Variants in SLC5A4 observed in about 807,000 individuals in gnomAD.
The protein encoded by SLC5A4 is probable glucose sensor protein SLC5A4.
Under a neutral mutation model 70.3 loss-of-function variants are expected in SLC5A4, and 55 were observed. That is an observed-to-expected ratio of 0.78 (90% CI 0.63 to 0.98). The LOEUF is 0.98. Ranked by LOEUF, SLC5A4 falls within the 50% of genes least tolerant of loss-of-function variation. The pLI is 0.00. For synonymous variants in SLC5A4, 268 were observed against 305.7 expected, an observed-to-expected ratio of 0.88 and a Z score of 1.29; for missense variants, 735 against 839.2, an observed-to-expected ratio of 0.88 and a Z score of 1.53.
At position 32,220,980 on chromosome 22, in the gene SLC5A4, G is replaced by A. The variant is rs192617400; in HGVS notation, c.1708C>T (p.Arg570Ter). The part of the protein sequence containing the change: ...CWVLRNSTEE[R>*]IDIDAEEKSQ... ...TTCTCTTCTGCATCTATATCGATTC[G>A]CTCCTCTGTACTGTTCCGAAGAACC... is the stretch of plus-strand genomic sequence containing the variant. The change falls in exon 14 of 15, where the codon CGA becomes TGA. Residue 570 changes from arginine (R) to a stop codon, truncating the protein, a stop_gained. Coordinates refer to ENST00000266086, the MANE Select transcript of SLC5A4 (RefSeq NM_014227.3). LOFTEE classifies it high-confidence loss of function. 5.1e-5 allele frequency: 82 copies of A among 1,613,772 alleles called. No homozygotes were observed. The African/African-American group carries it at 7.5e-4, about 15-fold the overall frequency.
chr22:32,334,172 C>T, the SLC5A4 span, among the ~76,000 whole-genome samples: 4 of 151,384 alleles, frequency 2.6e-5, no homozygotes, highest in Admixed American at 6.6e-5. Context: ...ACACAGACAT[C>T]ACACAATGCA....
At chr22:32,226,241 G>C (rs1925389777) in intron 11 of SLC5A4, among the ~76,000 whole-genome samples, 1 of 152,178 alleles carries the variant, frequency 6.6e-6, no homozygotes, top group African/African-American at 2.4e-5. Flanking sequence ...GGTTTGCATA[G>C]GTTAGAATGG....
the SLC5A4 span, chr22:32,269,585 C>T: frequency 5.9e-5 from 37 of 626,696 alleles, no homozygotes; most frequent in Non-Finnish European, 1.1e-4. This position sits in a 1 kb window ranked among gnomAD's most constrained non-coding sequence, Gnocchi z 4.1. Context: ...TGATCTCTCA[C>T]CAGCTACCCT....
At chr22:32,304,613 G>A in the SLC5A4 span, among the ~76,000 whole-genome samples, 1 of 152,190 alleles carries the variant, frequency 6.6e-6, no homozygotes, top group Non-Finnish European at 1.5e-5. Context: ...AGAATTCTTT[G>A]TATATTTTGG....
chr22:32,220,910 CA>C lies in SLC5A4; in HGVS notation c.1768+9del. 6.3e-7 allele frequency: 1 copy of C among 1,579,034 alleles called. No homozygotes were observed. Among genetic ancestry groups the C allele is most frequent in the South Asian group, 1.1e-5 (1 of 90,366 alleles). The stretch of plus-strand genomic sequence containing the variant: ...TCCTACATGAAAACCAAATGTAAAC[CA>C]AATATTACCTTCTTCAACACCATCA... On this transcript the variant is annotated intron_variant, in intron 14 of 14. Coordinates refer to ENST00000266086, the MANE Select transcript of SLC5A4 (RefSeq NM_014227.3).
the SLC5A4 span, among the ~76,000 whole-genome samples, chr22:32,322,936 C>T: frequency 6.6e-6 from 1 of 152,234 alleles, no homozygotes; most frequent in Non-Finnish European, 1.5e-5. Flanking sequence ...GTCCAATTTT[C>T]CTAGAACTTA....
intron 2 of SLC5A4, among the ~76,000 whole-genome samples, chr22:32,252,804 A>G (rs1927247966): frequency 6.6e-6 from 1 of 152,122 alleles, no homozygotes. Flanking sequence ...CACTCTTTTC[A>G]TTCATCCCCT....
In SLC5A4 at chr22:32,237,294, G is replaced by A. The variant is rs867809551; in HGVS notation, c.614C>T (p.Thr205Ile). 2.5e-6 allele frequency: 4 copies of A among 1,608,104 alleles called. No individual in the cohort carries two copies. In the Middle Eastern group the frequency reaches 4.9e-4, roughly 199 times the overall value. The change falls in exon 7 of 15, where the codon ACC (threonine) becomes ATC (isoleucine). Residue 205 changes from threonine to isoleucine, a missense_variant. By Grantham distance (89) the Thr-to-Ile change is moderately conservative. Transcript: ENST00000266086. ...AATCAGCATGATGATGGTCTGGAGG[G>A]TGTCTGTGTAAATCACCGAGGCCAA... ...GGLASVIYTDTLQTIIMLIGS... is the reference protein window; with the variant it reads ...GGLASVIYTDILQTIIMLIGS...
the SLC5A4 span, chr22:32,269,622 C>T: frequency 6.6e-6 from 4 of 609,152 alleles, no homozygotes; most frequent in Non-Finnish European, 9.6e-6. This position sits in a 1 kb window ranked among gnomAD's most constrained non-coding sequence, Gnocchi z 4.1. Flanking sequence ...TCTGGCCGTA[C>T]CCAAGCCCAT....
At chr22:32,331,654 T>C in the SLC5A4 span, among the ~76,000 whole-genome samples, 1 of 152,094 alleles carries the variant, frequency 6.6e-6, no homozygotes, top group Non-Finnish European at 1.5e-5. Context: ...GACAGGACAG[T>C]GCCTGCTGTG....
At chr22:32,239,546 A>ATATATT (rs1926303088) in intron 5 of SLC5A4, among the ~76,000 whole-genome samples, 1 of 12,734 alleles carries the variant, frequency 7.9e-5, no homozygotes, top group Non-Finnish European at 1.2e-4. Context: ...ATATATATAT[A>ATATATT]TATATATATA....
intron 11 of SLC5A4, among the ~76,000 whole-genome samples, chr22:32,227,849 C>T (rs187964134): frequency 7.3e-5 from 11 of 151,470 alleles, no homozygotes; most frequent in Admixed American, 2.6e-4. Context: ...GCAGGAGAAT[C>T]GCTTGAACTC....
the SLC5A4 span, among the ~76,000 whole-genome samples, chr22:32,281,004 G>T: frequency 1.1e-4 from 17 of 152,302 alleles, no homozygotes; most frequent in Non-Finnish European, 2.4e-4. Context: ...AAAGGTGGCA[G>T]CATCTATTTG....
chr22:32,346,726 C>T, the SLC5A4 span, among the ~76,000 whole-genome samples: 5 of 144,238 alleles, frequency 3.5e-5, no homozygotes, highest in Admixed American at 7.0e-5. Flanking sequence ...AAGACTTAAA[C>T]GTTAGACCTA....
chr22:32,291,694 TAA>T, the SLC5A4 span, among the ~76,000 whole-genome samples: 2 of 152,110 alleles, frequency 1.3e-5, no homozygotes, highest in Non-Finnish European at 2.9e-5. Flanking sequence ...CTGAATCACC[TAA>T]GTTTTAATAT....
chr22:32,308,449 A>G, the SLC5A4 span, among the ~76,000 whole-genome samples: 3,890 of 148,960 alleles, frequency 0.026, 141 homozygotes, highest in African/African-American at 0.088. Context: ...TGACCTGGAC[A>G]GCGGCCTGTG....
chr22:32,292,510 CAG>C, the SLC5A4 span, among the ~76,000 whole-genome samples: 3 of 150,854 alleles, frequency 2.0e-5, no homozygotes, highest in Non-Finnish European at 2.9e-5. Context: ...ATCTTAGAGG[CAG>C]AGAGTGAGTC....
chr22:32,339,157 G>A, the SLC5A4 span, among the ~76,000 whole-genome samples: 5 of 152,206 alleles, frequency 3.3e-5, no homozygotes, highest in Non-Finnish European at 2.9e-5. Context: ...GCAAAAGCAG[G>A]TGTGCATTAG....
chr22:32,233,476 A>G (rs1369471543), intron 8 of SLC5A4, among the ~76,000 whole-genome samples: 3 of 152,184 alleles, frequency 2.0e-5, no homozygotes, highest in African/African-American at 7.2e-5. Flanking sequence ...CTAAGAAAGA[A>G]GACAATAGGC....
Sources: allele counts gnomAD v4.1 joint callset (sites outside exome capture counted in the v4.1 genomes callset), GRCh38; gene constraint gnomAD v4.1.1; non-coding constraint Gnocchi (gnomAD v3.1); transcripts MANE v1.5; gene names NCBI Gene and HGNC (gene_info 2026-07-23, HGNC 2026-07-21).